Variants in OXR1 observed in about 807,000 individuals in gnomAD.
OXR1 encodes the protein oxidation resistance protein 1.
A neutral mutation model predicts 104.6 loss-of-function variants in OXR1; 41 were observed. The observed-to-expected ratio is 0.39, with a 90% CI of 0.31 to 0.51. The LOEUF is 0.51. OXR1 is among the 20% of genes least tolerant of loss of function. The pLI is 0.77. For synonymous variants in OXR1, 348 were observed against 348.4 expected (o/e 1.00, Z 0.01); for missense variants, 955 against 1,031.9 (o/e 0.93, Z 1.02).
chr8:106,651,579 T>C (rs529548719), intron 3 of OXR1, among the ~76,000 whole-genome samples: 36 of 152,304 alleles, frequency 2.4e-4, no homozygotes, highest in African/African-American at 6.7e-4. Flanking sequence ...CCTAAATGTA[T>C]GTGTTTACTT....
intron 1 of OXR1, among the ~76,000 whole-genome samples, chr8:106,291,942 C>T (rs1476689478): frequency 1.3e-5 from 2 of 152,152 alleles, no homozygotes; most frequent in African/African-American, 4.8e-5. Flanking sequence ...TACCCCCACC[C>T]CCCAACGGGT....
intron 1 of OXR1, among the ~76,000 whole-genome samples, chr8:106,292,435 A>G (rs914041046): frequency 6.6e-6 from 1 of 152,162 alleles, no homozygotes; most frequent in African/African-American, 2.4e-5. Context: ...TGCAAAAGTG[A>G]TAGCCAGAGT....
At chr8:106,578,983 C>CTTTTTT (rs146593561) in intron 3 of OXR1, among the ~76,000 whole-genome samples, 38 of 131,000 alleles carry the variant, frequency 2.9e-4, no homozygotes, top group African/African-American at 4.5e-4. Context: ...CTCACTTTTT[C>CTTTTTT]TTTCTTTTTT....
At chr8:106,601,877 A>C (rs1048496905) in intron 3 of OXR1, among the ~76,000 whole-genome samples, 1 of 152,230 alleles carries the variant, frequency 6.6e-6, no homozygotes, top group African/African-American at 2.4e-5. Context: ...GACCTAGTCA[A>C]GGGAGCCCTT....
chr8:106,324,341 A>C (rs941477071), intron 1 of OXR1, among the ~76,000 whole-genome samples: 3 of 152,122 alleles, frequency 2.0e-5, no homozygotes, highest in African/African-American at 7.2e-5. Context: ...AGGAAACAAC[A>C]GACCCTGGGG....
chr8:106,722,509 G>T (rs1377599084), intron 11 of OXR1, among the ~76,000 whole-genome samples: 8 of 152,008 alleles, frequency 5.3e-5, no homozygotes, highest in Non-Finnish European at 1.0e-4. Context: ...ATTTTGGTTG[G>T]TCCCCTGAGA....
intron 1 of OXR1, among the ~76,000 whole-genome samples, chr8:106,288,554 AGTGTG>A (rs1563696410): frequency 3.2e-4 from 48 of 149,464 alleles, no homozygotes; most frequent in Non-Finnish European, 5.9e-4. Context: ...ATATATATAT[AGTGTG>A]TATATATATG....
rs147401854 is a variant in OXR1 at position 106,692,755 on chromosome 8, A to C, written c.553A>C (p.Thr185Pro). The change falls in exon 7 of 17, where the codon ACT becomes CCT. Residue 185 changes from threonine (T) to proline (P), a missense_variant. This residue lies in a region of OXR1 where 849 missense variants were observed against 852.9 expected (regional missense o/e 1.00). Coordinates refer to ENST00000517566, the MANE Select transcript of OXR1 (RefSeq NM_001198533.2). ...TCCTGATGTCCATCCAACAGAAGCA[A>C]CTCCCTCATCTACTTTCACTGGTAT... ...TNPDVHPTEATPSSTFTGIRP... is the reference protein window; with the variant it reads ...TNPDVHPTEAPPSSTFTGIRP... The C allele has an allele frequency of 2.9e-5, 44 of 1,542,850 alleles. No individual in the cohort carries two copies. The African/African-American group carries it at 6.0e-4, about 21-fold the overall frequency.
chr8:106,413,680 G>A (rs7836182), intron 2 of OXR1, among the ~76,000 whole-genome samples: 1 of 151,168 alleles, frequency 6.6e-6, no homozygotes, highest in Non-Finnish European at 1.5e-5. Context: ...TTATCCTATT[G>A]TAAGTAAAGA....
At position 106,271,300 on chromosome 8, in the gene OXR1, A is replaced by G. The variant is rs562413068; in HGVS notation, c.-139+933A>G. On this transcript the variant is annotated intron_variant, in intron 1 of 16. Transcript: ENST00000517566. ...GCTCGCTGTAGGCGAGCTTTAGGAG[A>G]TTTAAATAGACATTAGGCAGTGGGG... 8.6e-5 allele frequency among the ~76,000 whole-genome samples: 13 copies of G among 151,860 alleles called. No homozygotes were observed. In the South Asian group the frequency reaches 2.7e-3, roughly 32 times the overall value.
intron 3 of OXR1, among the ~76,000 whole-genome samples, chr8:106,571,537 C>T (rs1817471137): frequency 6.6e-6 from 1 of 152,154 alleles, no homozygotes; most frequent in Admixed American, 6.6e-5. Flanking sequence ...GCATAATTCA[C>T]TCCACAGCAT....
At chr8:106,448,991 A>T (rs1820162535) in intron 2 of OXR1, among the ~76,000 whole-genome samples, 1 of 152,108 alleles carries the variant, frequency 6.6e-6, no homozygotes, top group Admixed American at 6.6e-5. Context: ...GGTAAGAAAA[A>T]CACAATTTTT....
chr8:106,413,951 C>A (rs964800253), intron 2 of OXR1, among the ~76,000 whole-genome samples: 3 of 152,048 alleles, frequency 2.0e-5, no homozygotes, highest in African/African-American at 7.2e-5. Flanking sequence ...TGGTCTTGAG[C>A]TCCAGAACTC....
At chr8:106,527,648 A>G (rs770210753) in intron 3 of OXR1, among the ~76,000 whole-genome samples, 19 of 152,172 alleles carry the variant, frequency 1.2e-4, no homozygotes, top group Non-Finnish European at 2.1e-4. Flanking sequence ...CCTGGCCACA[A>G]CTTCTCTAAA....
At chr8:106,542,242 T>C (rs558218405) in intron 3 of OXR1, among the ~76,000 whole-genome samples, 1 of 152,290 alleles carries the variant, frequency 6.6e-6, no homozygotes, top group Non-Finnish European at 1.5e-5. Flanking sequence ...TACTTGGAGA[T>C]TACTATGAAT....
intron 3 of OXR1, chr8:106,657,523 A>G: frequency 7.0e-6 from 1 of 142,232 alleles, no homozygotes; most frequent in East Asian, 2.1e-4. Context: ...CTGGGTGTCC[A>G]CCCTTTCCCC....
chr8:106,292,532 T>C (rs73303158), intron 1 of OXR1, among the ~76,000 whole-genome samples: 33,455 of 152,094 alleles, frequency 0.22, 5,459 homozygotes, highest in African/African-American at 0.46. Context: ...TTGATGGCAA[T>C]TGGGTTTGGT....
intron 2 of OXR1, among the ~76,000 whole-genome samples, chr8:106,460,551 A>C (rs911784722): frequency 6.6e-6 from 1 of 152,184 alleles, no homozygotes; most frequent in Non-Finnish European, 1.5e-5. Context: ...CTAGGGGCTT[A>C]AAAGTCTCTA....
At chr8:106,441,892 T>G (rs1287180559) in intron 2 of OXR1, among the ~76,000 whole-genome samples, 1 of 152,156 alleles carries the variant, frequency 6.6e-6, no homozygotes, top group Non-Finnish European at 1.5e-5. Flanking sequence ...TCTCTTCCTA[T>G]TTGAATAGCC....
Sources: allele counts gnomAD v4.1 joint callset (sites outside exome capture counted in the v4.1 genomes callset), GRCh38; gene constraint gnomAD v4.1.1; regional missense constraint gnomAD v4.1.1; transcripts MANE v1.5; gene names NCBI Gene and HGNC (gene_info 2026-07-23, HGNC 2026-07-21).